FOXP1: variants seen among roughly 807,000 people sequenced by gnomAD.
FOXP1 encodes the protein forkhead box P1.
Under a neutral mutation model 98.2 loss-of-function variants are expected in FOXP1, and 15 were observed. The observed-to-expected ratio is 0.15, with a 90% CI of 0.10 to 0.24. The LOEUF (loss-of-function observed/expected upper bound fraction) is 0.24. Among genes scored for constraint, FOXP1 ranks in the 10% least tolerant of loss-of-function variants. The pLI is 1.00. For synonymous variants in FOXP1, 371 were observed against 314.5 expected, an observed-to-expected ratio of 1.18 and a Z score of -1.90; for missense variants, 633 against 848.5, an observed-to-expected ratio of 0.75 and a Z score of 3.15.
intron 13 of FOXP1, among the ~76,000 whole-genome samples, chr3:70,989,931 G>T (rs1343868059): frequency 2.0e-5 from 3 of 152,110 alleles, no homozygotes; most frequent in Admixed American, 6.5e-5. Flanking sequence ...CTACCAAACT[G>T]ATCTTTTACT....
intron 13 of FOXP1, among the ~76,000 whole-genome samples, chr3:70,998,045 G>A (rs2041624296): frequency 6.6e-6 from 1 of 152,214 alleles, no homozygotes. Flanking sequence ...TAAGAAGAAA[G>A]AGATAAAAGC....
chr3:71,206,346 G>C (rs902577637), intron 5 of FOXP1, among the ~76,000 whole-genome samples: 1 of 152,144 alleles, frequency 6.6e-6, no homozygotes, highest in Non-Finnish European at 1.5e-5. Context: ...TAGGTCTTAA[G>C]AGAAGTAGGA....
chr3:71,539,503 T>C (rs1455731756), intron 2 of FOXP1, among the ~76,000 whole-genome samples: 1 of 87,994 alleles, frequency 1.1e-5, no homozygotes, highest in African/African-American at 4.5e-5. Flanking sequence ...TATCGATTTC[T>C]GCCAAAAAAA....
At chr3:71,568,182 G>A (rs1271272735) in intron 2 of FOXP1, among the ~76,000 whole-genome samples, 3 of 152,190 alleles carry the variant, frequency 2.0e-5, no homozygotes, top group Admixed American at 6.5e-5. Context: ...AAGGCCTGCA[G>A]AGAATACCCA....
chr3:71,514,825 T>C (rs560127276), intron 2 of FOXP1, among the ~76,000 whole-genome samples: 59 of 152,330 alleles, frequency 3.9e-4, no homozygotes, highest in African/African-American at 1.3e-3. Flanking sequence ...AGAATTCATC[T>C]CACACCACGC....
At chr3:71,511,312 C>T (rs2107322495) in intron 2 of FOXP1, among the ~76,000 whole-genome samples, 1 of 152,188 alleles carries the variant, frequency 6.6e-6, no homozygotes, top group Middle Eastern at 3.4e-3. Flanking sequence ...GGAACCAGAC[C>T]AGACACAACA....
At chr3:71,304,666 G>A (rs934946133) in intron 4 of FOXP1, 5 of 152,076 alleles carry the variant, frequency 3.3e-5, no homozygotes, top group Non-Finnish European at 5.9e-5. Context: ...AAGTATAAAA[G>A]TCATATACTT....
chr3:71,400,600 C>T (rs2081894736), intron 3 of FOXP1, among the ~76,000 whole-genome samples: 1 of 152,148 alleles, frequency 6.6e-6, no homozygotes, highest in Non-Finnish European at 1.5e-5. Flanking sequence ...TCAAGTGGTC[C>T]ACCCACCTCG....
At chr3:71,141,675 G>A (rs1204425440) in intron 6 of FOXP1, among the ~76,000 whole-genome samples, 2 of 152,108 alleles carry the variant, frequency 1.3e-5, no homozygotes, top group Non-Finnish European at 2.9e-5. Context: ...AGACAGACCT[G>A]GCCCTTCCCT....
At chr3:71,416,701 G>A (rs1407649540) in intron 3 of FOXP1, among the ~76,000 whole-genome samples, 1 of 151,976 alleles carries the variant, frequency 6.6e-6, no homozygotes, top group Admixed American at 6.5e-5. Flanking sequence ...GGTGAAGAGT[G>A]AAGAGGAGAG....
intron 6 of FOXP1, among the ~76,000 whole-genome samples, chr3:71,119,956 G>A (rs1253057368): frequency 6.6e-6 from 1 of 152,178 alleles, no homozygotes; most frequent in Non-Finnish European, 1.5e-5. Context: ...GGAAAAGTAA[G>A]TTAATCTCAT....
chr3:71,374,587 T>C (rs534819587), intron 3 of FOXP1, among the ~76,000 whole-genome samples: 3 of 130,186 alleles, frequency 2.3e-5, no homozygotes, highest in Non-Finnish European at 5.2e-5. Flanking sequence ...AGCAAGAGAC[T>C]CTGTCTCAAA....
chr3:71,065,387 G>T (rs1478006314), intron 7 of FOXP1, among the ~76,000 whole-genome samples: 1 of 152,222 alleles, frequency 6.6e-6, no homozygotes, highest in African/African-American at 2.4e-5. Context: ...CAAGCCGACT[G>T]CTCCGAGCAA....
intron 4 of FOXP1, among the ~76,000 whole-genome samples, chr3:71,337,964 G>A (rs988760094): frequency 1.3e-5 from 2 of 152,180 alleles, no homozygotes; most frequent in African/African-American, 2.4e-5. Context: ...CGTTTCACAG[G>A]GCTGGACATC....
intron 6 of FOXP1, among the ~76,000 whole-genome samples, chr3:71,170,609 G>C (rs1373162745): frequency 6.6e-6 from 1 of 152,152 alleles, no homozygotes; most frequent in Non-Finnish European, 1.5e-5. Flanking sequence ...CTTGGAGTGT[G>C]CTTCTTTTGA....
At chr3:71,324,622 G>C (rs186759996) in intron 4 of FOXP1, among the ~76,000 whole-genome samples, 17 of 151,946 alleles carry the variant, frequency 1.1e-4, no homozygotes, top group Non-Finnish European at 2.4e-4. Context: ...GTCGTGGGGT[G>C]GGGGGAGTGG....
intron 6 of FOXP1, among the ~76,000 whole-genome samples, chr3:71,133,074 T>C (rs2059650643): frequency 6.6e-6 from 1 of 152,198 alleles, no homozygotes; most frequent in Non-Finnish European, 1.5e-5. Context: ...TTGTTAGATT[T>C]ACAAAAAACA....
intron 11 of FOXP1, among the ~76,000 whole-genome samples, chr3:71,037,102 T>C (rs1434086264): frequency 1.3e-5 from 2 of 152,192 alleles, no homozygotes; most frequent in African/African-American, 2.4e-5. Context: ...GGTATAATCA[T>C]CCTTACTGCT....
At chr3:71,144,792 C>T (rs1444912357) in intron 6 of FOXP1, among the ~76,000 whole-genome samples, 1 of 152,102 alleles carries the variant, frequency 6.6e-6, no homozygotes, top group Admixed American at 6.5e-5. Context: ...TACAGAAGGC[C>T]TCCACCACCC....
Sources: gnomAD v4.1 joint callset for allele counts (sites outside exome capture counted in the v4.1 genomes callset) on GRCh38, gnomAD v4.1.1 for gene constraint, MANE v1.5 for transcripts, NCBI Gene and HGNC (gene_info 2026-07-23, HGNC 2026-07-21) for gene names.